The following PCDHGA2 variants were observed in gnomAD, a reference collection of about 807,000 sequenced individuals.
The protein encoded by PCDHGA2 is protocadherin gamma subfamily A, 2, also known as protocadherin gamma-A2.
A neutral mutation model predicts 59.2 loss-of-function variants in PCDHGA2; 40 were observed. The ratio of observed to expected loss-of-function variants is 0.68; its 90% CI spans 0.52 to 0.88. The LOEUF is 0.88. Ranked by LOEUF, PCDHGA2 falls within the 40% of genes least tolerant of loss-of-function variation. The probability of loss-of-function intolerance (pLI) is 0.00; values close to 1 mark genes in which losing one functional copy is unlikely to be tolerated. For missense variants in PCDHGA2, 1,226 were observed against 1,204.0 expected (o/e 1.02, Z -0.27); for synonymous variants, 560 against 526.0 (o/e 1.06, Z -0.89).
At chr5:141,351,553 G>C (rs1485681008) in intron 1 of PCDHGA2, 1 of 1,613,972 alleles carries the variant, frequency 6.2e-7, no homozygotes, top group Non-Finnish European at 8.5e-7. Flanking sequence ...TTTCCTCCAG[G>C]ACAAGCATCA....
At chr5:141,403,589 A>ACGGCCT in intron 1 of PCDHGA2, 2 of 1,613,812 alleles carry the variant, frequency 1.2e-6, no homozygotes, top group Non-Finnish European at 1.7e-6. Context: ...CCTGGTCCTC[A>ACGGCCT]CGGCCTCGGA....
At position 141,352,945 on chromosome 5, in the gene PCDHGA2, G is replaced by A. The variant is rs537480440; in HGVS notation, c.2424+11550G>A. ...GGAGATTGTAGTGAGCCAAGAGTGT[G>A]CCACTGCACTCCAGCCTGGGTGATG... On this transcript the variant is annotated intron_variant, in intron 1 of 3. Coordinates refer to ENST00000394576, the MANE Select transcript of PCDHGA2 (RefSeq NM_018915.4). Among the ~76,000 whole-genome samples the A allele has an allele frequency of 1.8e-4, 27 of 152,312 alleles. No individual in the cohort carries two copies. In the Middle Eastern group the frequency reaches 0.014, roughly 77 times the overall value.
intron 1 of PCDHGA2, among the ~76,000 whole-genome samples, chr5:141,448,772 G>C (rs1034550563): frequency 1.5e-4 from 22 of 151,272 alleles, no homozygotes; most frequent in African/African-American, 3.7e-4. Context: ...AACCCCGTCT[G>C]TACTAAAAAT....
intron 1 of PCDHGA2, chr5:141,372,773 T>A: frequency 6.2e-7 from 1 of 1,610,720 alleles, no homozygotes; most frequent in East Asian, 2.2e-5. Flanking sequence ...GTAATGACAA[T>A]CCAGAAATGC....
At chr5:141,375,754 C>A (rs764343077) in intron 1 of PCDHGA2, 1 of 1,614,244 alleles carries the variant, frequency 6.2e-7, no homozygotes, top group East Asian at 2.2e-5. Flanking sequence ...ACCAGAATGA[C>A]AATGCGCCCG....
At position 141,432,660 on chromosome 5, in the gene PCDHGA2, A is replaced by G; in HGVS notation, c.2425-62147A>G. The G allele has an allele frequency of 6.2e-7, 1 of 1,613,768 alleles. No individual in the cohort carries two copies. Among genetic ancestry groups the G allele is most frequent in the African/African-American group, 1.3e-5 (1 of 75,026 alleles). ...GTGCGCACGGCGCGAGCCCTGCTGG[A>G]CAGAGACGCGCTCAAGCAGAGCCTC... On this transcript the variant is annotated intron_variant, in intron 1 of 3. Coordinates refer to ENST00000394576, the MANE Select transcript of PCDHGA2 (RefSeq NM_018915.4). The surrounding 1 kb of genome is among the most constrained non-coding windows in gnomAD (Gnocchi z 6.0).
chr5:141,465,021 C>A (rs974818222), intron 1 of PCDHGA2, among the ~76,000 whole-genome samples: 1 of 152,100 alleles, frequency 6.6e-6, no homozygotes, highest in Non-Finnish European at 1.5e-5. Flanking sequence ...AGATTACAGC[C>A]ATGAACCACC....
At chr5:141,437,944 G>A (rs576107104) in intron 1 of PCDHGA2, among the ~76,000 whole-genome samples, 1 of 152,178 alleles carries the variant, frequency 6.6e-6, no homozygotes, top group South Asian at 2.1e-4. Flanking sequence ...CACCATATTG[G>A]CCAGAATGGT....
chr5:141,381,459 T>C (rs565448473), intron 1 of PCDHGA2, among the ~76,000 whole-genome samples: 2 of 152,378 alleles, frequency 1.3e-5, no homozygotes, highest in South Asian at 4.1e-4. Flanking sequence ...TGCATTTTGC[T>C]CAAATGCTGT....
chr5:141,344,883 A>T (rs935213502), intron 1 of PCDHGA2: 2 of 1,613,978 alleles, frequency 1.2e-6, no homozygotes, highest in Non-Finnish European at 1.7e-6. Context: ...TCTAGATAAA[A>T]TGCCTGGGAA....
chr5:141,415,322 T>G (rs1226384298), intron 1 of PCDHGA2: 2 of 1,614,104 alleles, frequency 1.2e-6, no homozygotes, highest in South Asian at 2.2e-5. Flanking sequence ...ATCGTGCTGC[T>G]GGCGCACAGG....
intron 2 of PCDHGA2, among the ~76,000 whole-genome samples, chr5:141,499,885 G>A (rs945162089): frequency 2.6e-5 from 4 of 151,850 alleles, no homozygotes; most frequent in Non-Finnish European, 4.4e-5. Flanking sequence ...ACAGGGTTTC[G>A]CCATGTTGGC....
intron 1 of PCDHGA2, chr5:141,441,971 G>T: frequency 3.3e-6 from 1 of 298,820 alleles, no homozygotes; most frequent in Non-Finnish European, 6.5e-6. Context: ...AGGCTCTTCA[G>T]CCTGGAATGC....
chr5:141,419,220 A>G (rs2096345873), intron 1 of PCDHGA2: 1 of 1,613,966 alleles, frequency 6.2e-7, no homozygotes, highest in Non-Finnish European at 8.5e-7. Context: ...GTTTTCGGAC[A>G]GTCAGCCTAC....
intron 1 of PCDHGA2, chr5:141,364,809 C>A: frequency 6.2e-7 from 1 of 1,613,952 alleles, no homozygotes; most frequent in Non-Finnish European, 8.5e-7. Flanking sequence ...GCGCGGGATG[C>A]GGATGTGGGT....
chr5:141,404,879 G>C (rs770577946), intron 1 of PCDHGA2: 1 of 1,613,906 alleles, frequency 6.2e-7, no homozygotes, highest in Non-Finnish European at 8.5e-7. Flanking sequence ...ACAGAGCCTT[G>C]TGGTGGCTGT....
intron 1 of PCDHGA2, chr5:141,366,667 C>G (rs267600454): frequency 2.9e-5 from 47 of 1,614,054 alleles, no homozygotes; most frequent in Middle Eastern, 1.6e-4. Context: ...CAGACACGCT[C>G]CTTAGTGAAG....
At chr5:141,376,493 C>A in intron 1 of PCDHGA2, 1 of 1,614,130 alleles carries the variant, frequency 6.2e-7, no homozygotes, top group South Asian at 1.1e-5. Flanking sequence ...GAAAGGAGAA[C>A]CCAGGCAACT....
In PCDHGA2 at chr5:141,486,913, G is replaced by A. The variant is rs2099636995; in HGVS notation, c.2425-7894G>A. ...CTGGTTCCTTATGTCCCCAAGCACT[G>A]CCTCCATCAGTTGGTGCTGGCCACC... On this transcript the variant is annotated intron_variant, in intron 1 of 3. Transcript: ENST00000394576. The surrounding 1 kb of genome is among the most constrained non-coding windows in gnomAD (Gnocchi z 5.0). The A allele has an allele frequency of 1.9e-6, 3 of 1,614,092 alleles. No individual in the cohort carries two copies. The highest frequency in any genetic ancestry group is 1.3e-5 in the African/African-American group (1 of 74,938).
Sources: allele counts gnomAD v4.1 joint callset (sites outside exome capture counted in the v4.1 genomes callset), GRCh38; gene constraint gnomAD v4.1.1; non-coding constraint Gnocchi (gnomAD v3.1); transcripts MANE v1.5; gene names NCBI Gene and HGNC (gene_info 2026-07-23, HGNC 2026-07-21).